NR6A1: variants seen among roughly 807,000 people sequenced by gnomAD.
NR6A1 encodes nuclear receptor subfamily 6 group A member 1.
A neutral mutation model predicts 59.1 loss-of-function variants in NR6A1; 7 were observed. The observed-to-expected ratio is 0.12, with a 90% CI of 0.07 to 0.22. NR6A1 has a LOEUF of 0.22. NR6A1 is among the 10% of genes least tolerant of loss of function. The pLI is 1.00. For synonymous variants in NR6A1, 243 were observed against 236.1 expected (o/e 1.03, Z -0.27); for missense variants, 468 against 611.6 (o/e 0.77, Z 2.48).
Position 124,747,175 on chromosome 9 carries a change from G to C in NR6A1, c.101-13826C>G, listed in dbSNP as rs888335594. Among the ~76,000 whole-genome samples, 5 of 146,882 alleles carry C rather than the reference G, an allele frequency of 3.4e-5. No homozygotes were observed. In the South Asian group the frequency reaches 1.1e-3, roughly 32 times the overall value. On this transcript the variant is annotated intron_variant, in intron 1 of 9. Coordinates refer to ENST00000487099, the MANE Select transcript of NR6A1 (RefSeq NM_033334.4). ...TCACATCCTTACAGATGATTATACAGACCTTGTCTGACTTTTTTTTTTTTT... is the reference window on the plus strand; with the variant it reads ...TCACATCCTTACAGATGATTATACACACCTTGTCTGACTTTTTTTTTTTTT...
chr9:124,745,504 T>C lies in NR6A1; in HGVS notation c.101-12155A>G, dbSNP rs930931071. 2.7e-4 allele frequency among the ~76,000 whole-genome samples: 40 copies of C among 149,046 alleles called. 1 individual carries two copies. Among genetic ancestry groups the C allele is most frequent in the Non-Finnish European group, 3.3e-4 (22 of 67,362 alleles). On this transcript the variant is annotated intron_variant, in intron 1 of 9. Transcript: ENST00000487099. ...CTGCCCAACATGGACAAACCCCGTC[T>C]TTACTAAAAATACAAAATTAGCCGG...
intron 2 of NR6A1, among the ~76,000 whole-genome samples, chr9:124,678,913 G>C (rs2130987226): frequency 6.6e-6 from 1 of 152,192 alleles, no homozygotes; most frequent in South Asian, 2.1e-4. Flanking sequence ...GTTATGCTGA[G>C]GGCATTCTAG....
rs531562879 is a variant in NR6A1 at position 124,531,271 on chromosome 9, C to A, written c.1080-4371G>T. Among the ~76,000 whole-genome samples the A allele has an allele frequency of 7.9e-5, 12 of 152,282 alleles. No individual in the cohort carries two copies. In the South Asian group the frequency reaches 2.5e-3, roughly 32 times the overall value. On this transcript the variant is annotated intron_variant, in intron 7 of 9. Transcript: ENST00000487099. The stretch of plus-strand genomic sequence containing the variant: ...CTCCTGAGAGGAGTCTTGATTAGGG[C>A]CAGGAGCAGTCACTGGCTGGTGCTA...
chr9:124,560,136 C>T (rs1236091277), intron 2 of NR6A1, among the ~76,000 whole-genome samples: 1 of 152,202 alleles, frequency 6.6e-6, no homozygotes, highest in Non-Finnish European at 1.5e-5. Flanking sequence ...TATTTTCAAT[C>T]CTCCCTGCCA....
chr9:124,658,124 A>C (rs1318629505), intron 2 of NR6A1, among the ~76,000 whole-genome samples: 1 of 152,166 alleles, frequency 6.6e-6, no homozygotes, highest in Non-Finnish European at 1.5e-5. Context: ...TTTCAGAAAG[A>C]CTAGTATTTC....
chr9:124,557,350 G>A (rs1245389364), intron 2 of NR6A1, among the ~76,000 whole-genome samples: 1 of 152,112 alleles, frequency 6.6e-6, no homozygotes, highest in Non-Finnish European at 1.5e-5. Flanking sequence ...GGCCAGGCTG[G>A]TCTTGAACTC....
intron 2 of NR6A1, among the ~76,000 whole-genome samples, chr9:124,626,099 G>A (rs1352140604): frequency 3.3e-5 from 5 of 152,152 alleles, no homozygotes; most frequent in Non-Finnish European, 7.3e-5. Flanking sequence ...CTCTGCCTGC[G>A]GGCTCAAGCA....
chr9:124,675,373 C>T (rs1481302318), intron 2 of NR6A1, among the ~76,000 whole-genome samples: 2 of 152,238 alleles, frequency 1.3e-5, no homozygotes, highest in Non-Finnish European at 2.9e-5. Context: ...TCATCACCAG[C>T]ATCTAGCACA....
intron 1 of NR6A1, among the ~76,000 whole-genome samples, chr9:124,754,108 T>C (rs1176202888): frequency 6.6e-6 from 1 of 152,168 alleles, no homozygotes; most frequent in Non-Finnish European, 1.5e-5. Flanking sequence ...TCACCTGATA[T>C]TGTCAAACTA....
At chr9:124,584,054 G>T (rs1468882846) in intron 2 of NR6A1, among the ~76,000 whole-genome samples, 1 of 150,944 alleles carries the variant, frequency 6.6e-6, no homozygotes, top group African/African-American at 2.4e-5. Context: ...TCAGTTGAAT[G>T]AAAGAACAGT....
intron 2 of NR6A1, among the ~76,000 whole-genome samples, chr9:124,661,088 T>C (rs1837418898): frequency 6.6e-6 from 1 of 152,128 alleles, no homozygotes; most frequent in African/African-American, 2.4e-5. Context: ...ATTTAGAGGC[T>C]AGCATTATAC....
At chr9:124,770,238 C>T (rs2131219244) in intron 1 of NR6A1, 1 of 152,270 alleles carries the variant, frequency 6.6e-6, no homozygotes, top group South Asian at 2.1e-4. Flanking sequence ...CAGGGAAAGC[C>T]GTTGCCTGGC....
At chr9:124,718,888 C>G (rs1313224222) in intron 2 of NR6A1, among the ~76,000 whole-genome samples, 1 of 144,438 alleles carries the variant, frequency 6.9e-6, no homozygotes, top group Non-Finnish European at 1.5e-5. Context: ...GATCTTGGCT[C>G]ACTGCAGCCT....
chr9:124,691,456 C>G (rs1276299337), intron 2 of NR6A1, among the ~76,000 whole-genome samples: 1 of 152,088 alleles, frequency 6.6e-6, no homozygotes, highest in Non-Finnish European at 1.5e-5. Flanking sequence ...TTCTGTAAGC[C>G]CTTTTCCTAT....
chr9:124,659,478 A>G (rs1837363541), intron 2 of NR6A1, among the ~76,000 whole-genome samples: 1 of 152,168 alleles, frequency 6.6e-6, no homozygotes, highest in Non-Finnish European at 1.5e-5. Context: ...GAATCAGAAA[A>G]TACCGGGAAC....
At chr9:124,574,973 G>T (rs573563850) in intron 2 of NR6A1, among the ~76,000 whole-genome samples, 2 of 152,230 alleles carry the variant, frequency 1.3e-5, no homozygotes, top group South Asian at 4.1e-4. Flanking sequence ...ATTTTCTACT[G>T]CTAAGCTGGC....
intron 7 of NR6A1, among the ~76,000 whole-genome samples, chr9:124,528,472 A>G (rs1259304888): frequency 2.0e-5 from 3 of 152,152 alleles, no homozygotes; most frequent in Non-Finnish European, 4.4e-5. Flanking sequence ...AGGCTGAGGT[A>G]GGCAGACTGC....
rs563806807 is a variant in NR6A1, at chr9:124,770,665, G to A, written c.100+355C>T. Among the ~76,000 whole-genome samples the A allele has an allele frequency of 1.9e-3, 265 of 141,052 alleles. 2 individuals carry two copies. Among genetic ancestry groups the A allele is most frequent in the African/African-American group, 6.6e-3 (247 of 37,586 alleles). 92.5% of individuals were successfully genotyped at this position (141,052 alleles called of 152,430 possible). On this transcript the variant is annotated intron_variant, in intron 1 of 9. Transcript: ENST00000487099. ...GAAGGTTCGGTGCTGGGAAGACAGG[G>A]GGAGGGGACCCGGGGGGAGGAGGGA... is the stretch of plus-strand genomic sequence containing the variant.
At chr9:124,693,740 C>A (rs1434920325) in intron 2 of NR6A1, 1 of 534,436 alleles carries the variant, frequency 1.9e-6, no homozygotes. Flanking sequence ...TCATTGCTGT[C>A]GGTGGGTTTG....
Sources: gnomAD v4.1 joint callset for allele counts (sites outside exome capture counted in the v4.1 genomes callset) on GRCh38, gnomAD v4.1.1 for gene constraint, MANE v1.5 for transcripts, NCBI Gene and HGNC (gene_info 2026-07-23, HGNC 2026-07-21) for gene names.